IFT140: variants seen among roughly 807,000 people sequenced by gnomAD.
The protein encoded by IFT140 is intraflagellar transport protein 140 homolog.
In IFT140, 133 loss-of-function variants were observed where a neutral mutation model predicts 164.6. The observed-to-expected ratio is 0.81, with a 90% CI of 0.70 to 0.93. IFT140 has a LOEUF of 0.93. Ranked by LOEUF, IFT140 falls within the 40% of genes least tolerant of loss-of-function variation. IFT140 has a pLI of 0.00. For synonymous variants in IFT140, 860 were observed against 817.3 expected, an observed-to-expected ratio of 1.05 and a Z score of -0.89; for missense variants, 2,045 against 1,972.3, an observed-to-expected ratio of 1.04 and a Z score of -0.70.
At chr16:1,555,325 C>T (rs2033005845) in intron 19 of IFT140, 7 of 390,368 alleles carry the variant, frequency 1.8e-5, no homozygotes, top group South Asian at 3.4e-5. Flanking sequence ...TTAGGTGGCG[C>T]GAGGCTGCCC....
chr16:1,554,386 G>T (rs1012870171), intron 19 of IFT140, among the ~76,000 whole-genome samples: 1 of 152,194 alleles, frequency 6.6e-6, no homozygotes, highest in Non-Finnish European at 1.5e-5. Flanking sequence ...TGCTGAGTCT[G>T]GGGGGCTAGG....
chr16:1,583,388 T>C lies in IFT140; in HGVS notation c.1360-2A>G. 6.2e-7 allele frequency: 1 copy of C among 1,613,982 alleles called. No homozygotes were observed. The highest frequency in any genetic ancestry group is 1.3e-5 in the African/African-American group (1 of 75,034). ...TCCGTTCCAGACTGCGACAGCATCCTGAAAAGAACCACGGACATTCGAGGC... is the reference window on the plus strand; with the variant it reads ...TCCGTTCCAGACTGCGACAGCATCCCGAAAAGAACCACGGACATTCGAGGC... On this transcript the variant is annotated splice_acceptor_variant, in intron 11 of 30. Coordinates refer to ENST00000426508, the MANE Select transcript of IFT140 (RefSeq NM_014714.4). LOFTEE classifies it high-confidence loss of function.
intron 19 of IFT140, among the ~76,000 whole-genome samples, chr16:1,527,962 A>G (rs9939655): frequency 0.5 from 75,284 of 152,078 alleles, 21,844 homozygotes; most frequent in African/African-American, 0.81. Flanking sequence ...GGTTTGTGTC[A>G]GCTCCAGGGT....
At chr16:1,587,148 A>G in intron 9 of IFT140, 50 bp downstream of exon 9, 2 of 1,176,988 alleles carry the variant, frequency 1.7e-6, no homozygotes, top group Non-Finnish European at 2.5e-6. Flanking sequence ...GCCGGCGCAC[A>G]ATGCTTGTGG....
intron 4 of IFT140, among the ~76,000 whole-genome samples, chr16:1,597,823 T>C (rs767189146): frequency 4.6e-5 from 7 of 152,224 alleles, no homozygotes; most frequent in Non-Finnish European, 1.0e-4. Flanking sequence ...GGTCTTGCTA[T>C]GTTGCCCAGG....
intron 4 of IFT140, among the ~76,000 whole-genome samples, chr16:1,594,567 G>A (rs1322087358): frequency 6.6e-6 from 1 of 152,174 alleles, no homozygotes; most frequent in Non-Finnish European, 1.5e-5. Flanking sequence ...ATTTCTCCGA[G>A]GAGCCACGGT....
chr16:1,610,816 C>T lies in IFT140; in HGVS notation c.-184G>A, dbSNP rs1013469396. ...AAGGCGATCGGGCACGCACGTGCAG[C>T]TCCGAGGCCCGAGCGTCGGGGGCCA... On this transcript the variant is annotated 5_prime_UTR_variant, in exon 2 of 31. Transcript: ENST00000426508. The T allele has an allele frequency of 6.6e-6, 1 of 152,328 alleles. No homozygotes were observed. The highest frequency in any genetic ancestry group is 6.6e-5 in the Admixed American group (1 of 15,266). 9.4% of individuals were successfully genotyped at this position (152,328 alleles called of 1,614,324 possible).
At chr16:1,539,451 C>T (rs1427199919) in intron 19 of IFT140, among the ~76,000 whole-genome samples, 1 of 152,272 alleles carries the variant, frequency 6.6e-6, no homozygotes, top group Non-Finnish European at 1.5e-5. Context: ...GCCCCTTCCT[C>T]CAAGCACTCT....
intron 19 of IFT140, among the ~76,000 whole-genome samples, chr16:1,543,742 T>C (rs1294496027): frequency 6.6e-6 from 1 of 152,114 alleles, no homozygotes; most frequent in Non-Finnish European, 1.5e-5. Context: ...CTCAACGAGG[T>C]ACCCAGGCTA....
Position 1,592,296 on chromosome 16 carries a change from C to A in IFT140, c.514G>T (p.Ala172Ser). The part of the protein sequence containing the change: ...PGEDLVQLAK[A>S]AVSGDEKALD... ...GCTTTCTCATCACCGCTCACAGCTG[C>A]CTTTGCCAACTGAACCAGGTCCCTG... is the stretch of plus-strand genomic sequence containing the variant. The change falls in exon 6 of 31, where the codon GCA becomes TCA. Residue 172 changes from alanine to serine, a missense_variant. Coordinates refer to ENST00000426508, the MANE Select transcript of IFT140 (RefSeq NM_014714.4). 1 of 1,614,216 alleles carries A rather than the reference C, an allele frequency of 6.2e-7. No homozygotes were observed. Among genetic ancestry groups the A allele is most frequent in the Non-Finnish European group, 8.5e-7 (1 of 1,180,050 alleles).
chr16:1,560,493 A>C (rs1239323063), intron 18 of IFT140, among the ~76,000 whole-genome samples: 1 of 152,092 alleles, frequency 6.6e-6, no homozygotes, highest in East Asian at 1.9e-4. Flanking sequence ...GCAGTGCCCC[A>C]CCCCACCACC....
At chr16:1,562,142 C>A (rs1339550144) in intron 17 of IFT140, 26 bp from the exon 18 acceptor site, 5 of 1,538,970 alleles carry the variant, frequency 3.2e-6, no homozygotes, top group African/African-American at 1.4e-5. Flanking sequence ...AAGTACTGTT[C>A]TGTTTTTTTT....
In IFT140 at chr16:1,527,457, C is replaced by T. The variant is rs145821866; in HGVS notation, c.2400-661G>A. Among the ~76,000 whole-genome samples the T allele has an allele frequency of 6.5e-3, 992 of 152,338 alleles. 6 individuals carry two copies. Among genetic ancestry groups the T allele is most frequent in the African/African-American group, 0.023 (948 of 41,572 alleles). On this transcript the variant is annotated intron_variant, in intron 19 of 30. Transcript: ENST00000426508. ...CGGGGGACAGCACCTTCCACCCCAGCCCTGTGCCCCACTCTCGGGCAGTGA... is the reference window on the plus strand; with the variant it reads ...CGGGGGACAGCACCTTCCACCCCAGTCCTGTGCCCCACTCTCGGGCAGTGA...
At chr16:1,594,880 C>T (rs1346726568) in intron 4 of IFT140, among the ~76,000 whole-genome samples, 1 of 152,260 alleles carries the variant, frequency 6.6e-6, no homozygotes, top group Non-Finnish European at 1.5e-5. Context: ...CCACAGTACG[C>T]TCTTCTTCCC....
chr16:1,529,723 C>T (rs1395257677), intron 19 of IFT140, among the ~76,000 whole-genome samples: 2 of 152,222 alleles, frequency 1.3e-5, no homozygotes, highest in African/African-American at 2.4e-5. Context: ...ATGCTGAGGT[C>T]CTGGGTAAAA....
At chr16:1,511,525 G>A (rs574876596) in intron 30 of IFT140, among the ~76,000 whole-genome samples, 1 of 152,320 alleles carries the variant, frequency 6.6e-6, no homozygotes, top group African/African-American at 2.4e-5. Context: ...TCTTGCGGGT[G>A]GACATGCATA....
At chr16:1,542,924 G>A (rs1332592523) in intron 19 of IFT140, among the ~76,000 whole-genome samples, 2 of 152,242 alleles carry the variant, frequency 1.3e-5, no homozygotes, top group Admixed American at 6.5e-5. Context: ...TGGAGTTGTC[G>A]TCAACGACCT....
chr16:1,606,556 G>C (rs2036071255), intron 3 of IFT140, among the ~76,000 whole-genome samples: 1 of 152,196 alleles, frequency 6.6e-6, no homozygotes, highest in Admixed American at 6.5e-5. Flanking sequence ...TGCCTCCTGG[G>C]TTCAAGCGAT....
intron 13 of IFT140, chr16:1,577,619 T>TG (rs1484047458): frequency 6.6e-6 from 1 of 152,144 alleles, no homozygotes; most frequent in African/African-American, 2.4e-5. Flanking sequence ...TTTGGGAGGC[T>TG]GAGGCAGGTG....
Sources: gnomAD v4.1 joint callset for allele counts (sites outside exome capture counted in the v4.1 genomes callset) on GRCh38, gnomAD v4.1.1 for gene constraint, MANE v1.5 for transcripts, NCBI Gene and HGNC (gene_info 2026-07-23, HGNC 2026-07-21) for gene names.